HNRNPR: variants seen among roughly 807,000 people sequenced by gnomAD.
The protein encoded by HNRNPR is heterogeneous nuclear ribonucleoprotein R.
Under a neutral mutation model 70.3 loss-of-function variants are expected in HNRNPR, and 4 were observed. That is an observed-to-expected ratio of 0.06 (90% CI 0.03 to 0.13). The LOEUF (loss-of-function observed/expected upper bound fraction) is 0.13. HNRNPR is among the 10% of genes least tolerant of loss of function. The probability of loss-of-function intolerance (pLI) is 1.00; values close to 1 mark genes in which losing one functional copy is unlikely to be tolerated. For synonymous variants in HNRNPR, 241 were observed against 267.6 expected (o/e 0.90, Z 0.97); for missense variants, 423 against 788.5 (o/e 0.54, Z 5.55).
In HNRNPR at chr1:23,310,871, A is replaced by G. The variant is rs1265262974; in HGVS notation, c.1485T>C (p.Asp495=). The G allele has an allele frequency of 2.5e-6, 4 of 1,613,956 alleles. No homozygotes were observed. Among genetic ancestry groups the G allele is most frequent in the Non-Finnish European group, 3.4e-6 (4 of 1,179,958 alleles). Residue 495 remains aspartate, a synonymous_variant, in exon 11 of 11, where the codon GAT becomes GAC. Coordinates refer to ENST00000302271, the MANE Select transcript of HNRNPR (RefSeq NM_005826.5). The surrounding 1 kb of genome is among the most constrained non-coding windows in gnomAD (Gnocchi z 6.0). ...GYEDPYYGYD[D]GYAVRGRGGG... The stretch of plus-strand genomic sequence containing the variant: ...CTCCTCTTCCTCTTACTGCATAGCC[A>G]TCATCATAGCCGTAGTAGGGATCTT...
At chr1:23,329,752 C>T (rs1021392221) in intron 5 of HNRNPR, among the ~76,000 whole-genome samples, 5 of 152,290 alleles carry the variant, frequency 3.3e-5, no homozygotes, top group Non-Finnish European at 7.4e-5. Flanking sequence ...CTCAGCCTCC[C>T]AAGTAGCTAG....
At chr1:23,334,037 C>G (rs1427340596) in intron 4 of HNRNPR, among the ~76,000 whole-genome samples, 2 of 152,000 alleles carry the variant, frequency 1.3e-5, no homozygotes, top group Non-Finnish European at 2.9e-5. Flanking sequence ...TCTCAGCCTC[C>G]CAAGTAGCTG....
At chr1:23,321,792 C>A (rs1645767978) in intron 6 of HNRNPR, 129 bp from the exon 7 acceptor site, 3 of 808,770 alleles carry the variant, frequency 3.7e-6, no homozygotes, top group Non-Finnish European at 5.7e-6. Flanking sequence ...TTCCCTCATG[C>A]TTTCCATAAT....
At chr1:23,325,874 T>G (rs184662237) in intron 5 of HNRNPR, among the ~76,000 whole-genome samples, 2 of 152,300 alleles carry the variant, frequency 1.3e-5, no homozygotes, top group Non-Finnish European at 2.9e-5. Flanking sequence ...GTTTGGTTTG[T>G]TTTTGAGACA....
At chr1:23,326,506 C>T (rs941994197) in intron 5 of HNRNPR, among the ~76,000 whole-genome samples, 2 of 152,112 alleles carry the variant, frequency 1.3e-5, no homozygotes, top group Non-Finnish European at 2.9e-5. Context: ...TTTTCCAGGC[C>T]GGGCACAGTG....
At chr1:23,335,809 A>C (rs1009583032) in intron 4 of HNRNPR, among the ~76,000 whole-genome samples, 2 of 152,198 alleles carry the variant, frequency 1.3e-5, no homozygotes, top group African/African-American at 4.8e-5. Flanking sequence ...ACATACAATA[A>C]CTATTTCTAA....
intron 2 of HNRNPR, among the ~76,000 whole-genome samples, chr1:23,340,012 C>G (rs1272001838): frequency 6.7e-6 from 1 of 149,558 alleles, no homozygotes; most frequent in African/African-American, 2.5e-5. Flanking sequence ...GCTAAGCTTC[C>G]CAGATTTAAA....
chr1:23,319,546 T>C (rs945122244), intron 7 of HNRNPR, among the ~76,000 whole-genome samples: 13 of 152,224 alleles, frequency 8.5e-5, no homozygotes, highest in African/African-American at 3.1e-4. Flanking sequence ...TGTACTAGTA[T>C]GACAGCTTCA....
intron 4 of HNRNPR, among the ~76,000 whole-genome samples, chr1:23,336,332 G>A (rs1297910257): frequency 8.6e-5 from 13 of 151,152 alleles, no homozygotes; most frequent in Admixed American, 4.6e-4. Flanking sequence ...TTGGGAGGCC[G>A]AGGCGGGCGG....
At chr1:23,323,033 C>G (rs1645820129) in intron 6 of HNRNPR, among the ~76,000 whole-genome samples, 2 of 152,092 alleles carry the variant, frequency 1.3e-5, no homozygotes, top group Admixed American at 1.3e-4. Flanking sequence ...AGAGAAGACT[C>G]AAGGGCCAAG....
At chr1:23,324,678 GA>G (rs1167653280) in intron 5 of HNRNPR, among the ~76,000 whole-genome samples, 2 of 151,336 alleles carry the variant, frequency 1.3e-5, no homozygotes, top group African/African-American at 4.9e-5. Flanking sequence ...TTTAAGGTAT[GA>G]AAAAAAACCT....
At chr1:23,321,506 T>C in intron 7 of HNRNPR, 22 bp downstream of exon 7, 1 of 1,605,690 alleles carries the variant, frequency 6.2e-7, no homozygotes. Flanking sequence ...AAAAGTAATT[T>C]CTAAATACAT....
At chr1:23,311,776 C>T (rs933409851) in intron 9 of HNRNPR, 5 of 153,006 alleles carry the variant, frequency 3.3e-5, no homozygotes, top group African/African-American at 1.2e-4. Context: ...TCTTATACGA[C>T]AATTTCAAGG....
chr1:23,342,794 T>C (rs1010008461), intron 1 of HNRNPR, among the ~76,000 whole-genome samples: 1 of 152,190 alleles, frequency 6.6e-6, no homozygotes, highest in Non-Finnish European at 1.5e-5. Flanking sequence ...AAAAGTTCAA[T>C]GAACATCTGT....
chr1:23,314,836 G>A (rs1645468394), intron 8 of HNRNPR, among the ~76,000 whole-genome samples: 1 of 152,120 alleles, frequency 6.6e-6, no homozygotes, highest in African/African-American at 2.4e-5. Flanking sequence ...CTACCCCTAA[G>A]AATCTATCCT....
At chr1:23,330,449 C>T (rs1405247510) in intron 5 of HNRNPR, among the ~76,000 whole-genome samples, 1 of 151,998 alleles carries the variant, frequency 6.6e-6, no homozygotes, top group African/African-American at 2.4e-5. Flanking sequence ...GCAGGAGGAT[C>T]GCTTGAACCT....
rs535850395 is a variant in HNRNPR at position 23,306,760 on chromosome 1, A to G, written c.*3694T>C. On this transcript the variant is annotated 3_prime_UTR_variant, in exon 11 of 11. Transcript: ENST00000302271. The stretch of plus-strand genomic sequence containing the variant: ...TTGCTGACCAATACATTGTATATGC[A>G]ATATTTTTAAAGCTTGGTGTTTGCG... 6.6e-6 allele frequency: 1 copy of G among 152,340 alleles called. No homozygotes were observed. The highest frequency in any genetic ancestry group is 2.1e-4 in the South Asian group (1 of 4,834). 9.4% of individuals were successfully genotyped at this position (152,340 alleles called of 1,614,324 possible).
At chr1:23,317,894 C>T (rs749687626) in intron 8 of HNRNPR, among the ~76,000 whole-genome samples, 8 of 151,716 alleles carry the variant, frequency 5.3e-5, no homozygotes, top group Admixed American at 3.9e-4. Flanking sequence ...GAAGGAGAAT[C>T]GCTTGAACCT....
chr1:23,332,828 G>C (rs1646297745), intron 5 of HNRNPR, among the ~76,000 whole-genome samples: 1 of 151,892 alleles, frequency 6.6e-6, no homozygotes, highest in South Asian at 2.1e-4. Flanking sequence ...TTCAAGACCA[G>C]CCTGGGCAAC....
Sources: gnomAD v4.1 joint callset for allele counts (sites outside exome capture counted in the v4.1 genomes callset) on GRCh38, gnomAD v4.1.1 for gene constraint, Gnocchi (gnomAD v3.1) non-coding constraint, MANE v1.5 for transcripts, NCBI Gene and HGNC (gene_info 2026-07-23, HGNC 2026-07-21) for gene names.